Variants in KTN1 observed in about 807,000 individuals in gnomAD.
KTN1 encodes the protein kinectin 1.
KTN1 carries 130 observed loss-of-function variants against 222.5 expected under a neutral mutation model. That is an observed-to-expected ratio of 0.58 (90% CI 0.51 to 0.68). The LOEUF (loss-of-function observed/expected upper bound fraction) is 0.68, where lower values mean the gene tolerates loss of function less well. Ranked by LOEUF, KTN1 falls within the 30% of genes least tolerant of loss-of-function variation. The pLI is 0.00. For synonymous variants in KTN1, 512 were observed against 496.3 expected, an observed-to-expected ratio of 1.03 and a Z score of -0.42; for missense variants, 1,508 against 1,500.4, an observed-to-expected ratio of 1.01 and a Z score of -0.08.
intron 43 of KTN1, chr14:55,680,527 G>C: frequency 4.2e-6 from 2 of 481,502 alleles, no homozygotes; most frequent in South Asian, 3.1e-5. Flanking sequence ...ATGATATCCT[G>C]GAGACCCTGA....
rs9743909 is a variant in KTN1, at chr14:55,670,650, T to C, written c.3268-79T>C. ...TTCTTTTATAATTATCTAATTTGGT[T>C]ATTTTAAATGTTTCACCTGTTTTAT... On this transcript the variant is annotated intron_variant, in intron 34 of 43. Transcript: ENST00000395314. 3.6e-3 allele frequency: 3,419 copies of C among 945,460 alleles called. 81 individuals carry two copies. In the African/African-American group the frequency reaches 0.051, roughly 14 times the overall value. 58.6% of individuals were successfully genotyped at this position (945,460 alleles called of 1,614,324 possible). A position where few individuals can be genotyped will look rare whatever the true frequency, so the allele number is the denominator to read the frequency against.
At chr14:55,606,793 A>G (rs2036793208) in intron 1 of KTN1, among the ~76,000 whole-genome samples, 1 of 152,178 alleles carries the variant, frequency 6.6e-6, no homozygotes, top group Non-Finnish European at 1.5e-5. Context: ...ACAATTAACC[A>G]AACAGTAAAA....
At chr14:55,679,844 T>C in intron 43 of KTN1, 159 bp downstream of exon 43, 1 of 751,514 alleles carries the variant, frequency 1.3e-6, no homozygotes, top group Non-Finnish European at 2.2e-6. Context: ...GAGCTTTAGT[T>C]CTATTTTGTG....
At chr14:55,584,022 T>A (rs769828022) in intron 1 of KTN1, among the ~76,000 whole-genome samples, 2 of 152,234 alleles carry the variant, frequency 1.3e-5, no homozygotes, top group Admixed American at 6.5e-5. Context: ...CCTAGATTTC[T>A]GCAATTAGCC....
intron 32 of KTN1, chr14:55,661,855 T>C (rs1342248893): frequency 3.7e-6 from 1 of 273,556 alleles, no homozygotes; most frequent in Non-Finnish European, 6.7e-6. Context: ...ATAATTATTA[T>C]ACCTTTAGTT....
intron 1 of KTN1, among the ~76,000 whole-genome samples, chr14:55,611,336 A>C (rs1170839527): frequency 6.8e-6 from 1 of 147,972 alleles, no homozygotes. Context: ...TCCTAGGCTC[A>C]AGTGATCCGT....
intron 25 of KTN1, 80 bp from the exon 26 acceptor site, chr14:55,652,770 A>G (rs1394268558): frequency 3.3e-6 from 3 of 899,926 alleles, no homozygotes; most frequent in East Asian, 5.0e-5. Context: ...CCCAAAATAT[A>G]CTTTTTTCAG....
chr14:55,597,337 A>G (rs2035221645), intron 1 of KTN1, among the ~76,000 whole-genome samples: 2 of 152,234 alleles, frequency 1.3e-5, no homozygotes, highest in African/African-American at 4.8e-5. Context: ...AATGATAAAC[A>G]CATAAGATTG....
chr14:55,588,548 GAA>G (rs1191183527), intron 1 of KTN1, among the ~76,000 whole-genome samples: 1 of 152,200 alleles, frequency 6.6e-6, no homozygotes, highest in African/African-American at 2.4e-5. Context: ...TGGAAGGACA[GAA>G]TGCTCATGTG....
chr14:55,632,585 G>A (rs1204869187), intron 7 of KTN1, among the ~76,000 whole-genome samples: 4 of 132,304 alleles, frequency 3.0e-5, no homozygotes, highest in African/African-American at 1.1e-4. Context: ...TTTACACAAT[G>A]AAGAGAGTTA....
At chr14:55,627,785 GACAT>G (rs2040026114) in intron 5 of KTN1, 123 bp from the exon 6 acceptor site, 8 of 593,556 alleles carry the variant, frequency 1.3e-5, no homozygotes, top group Non-Finnish European at 2.5e-5. Context: ...CCCTGCAAAG[GACAT>G]GAACTCATTC....
intron 28 of KTN1, among the ~76,000 whole-genome samples, chr14:55,654,352 G>A (rs1398640625): frequency 6.6e-6 from 1 of 152,088 alleles, no homozygotes; most frequent in African/African-American, 2.4e-5. Flanking sequence ...TTCTAAAAGG[G>A]AGATTACTCT....
intron 31 of KTN1, among the ~76,000 whole-genome samples, chr14:55,660,823 C>A (rs377178460): frequency 6.6e-6 from 1 of 152,158 alleles, no homozygotes; most frequent in African/African-American, 2.4e-5. Flanking sequence ...AATGTAAAAA[C>A]AGCTCTTAGT....
At position 55,602,869 on chromosome 14, in the gene KTN1, C is replaced by T. The variant is rs893705334; in HGVS notation, c.-30-9150C>T. Among the ~76,000 whole-genome samples, 9 of 152,106 alleles carry T rather than the reference C, an allele frequency of 5.9e-5. No individual in the cohort carries two copies. In the South Asian group the frequency reaches 1.5e-3, roughly 25 times the overall value. On this transcript the variant is annotated intron_variant, in intron 1 of 43. Transcript: ENST00000395314. ...TGCTAGGATTACAGGCATGAGCCACCGTGCCTGGCCACCATCTTTTTTCCA... is the reference window on the plus strand; with the variant it reads ...TGCTAGGATTACAGGCATGAGCCACTGTGCCTGGCCACCATCTTTTTTCCA...
chr14:55,623,213 G>C (rs10483643), intron 5 of KTN1, among the ~76,000 whole-genome samples: 11,655 of 152,332 alleles, frequency 0.077, 498 homozygotes, highest in South Asian at 0.12. Context: ...TCTGTTGACA[G>C]TGCATTTTAT....
intron 31 of KTN1, among the ~76,000 whole-genome samples, chr14:55,660,584 T>C (rs1273602678): frequency 6.6e-6 from 1 of 152,118 alleles, no homozygotes; most frequent in Non-Finnish European, 1.5e-5. Context: ...TCTTTTAATC[T>C]AAATGTTTTT....
intron 21 of KTN1, among the ~76,000 whole-genome samples, chr14:55,649,565 T>G (rs1335592640): frequency 6.6e-6 from 1 of 152,244 alleles, no homozygotes; most frequent in Non-Finnish European, 1.5e-5. Context: ...TTTTTTCTTT[T>G]GGCATATTTA....
intron 5 of KTN1, among the ~76,000 whole-genome samples, chr14:55,627,047 C>T (rs2039930209): frequency 6.6e-6 from 1 of 152,176 alleles, no homozygotes; most frequent in African/African-American, 2.4e-5. Flanking sequence ...TATATTCTGA[C>T]AGGGTCGTGG....
At chr14:55,603,762 A>G (rs2036322145) in intron 1 of KTN1, among the ~76,000 whole-genome samples, 1 of 152,118 alleles carries the variant, frequency 6.6e-6, no homozygotes, top group Non-Finnish European at 1.5e-5. Flanking sequence ...GGACATCTCC[A>G]CTTACCTAAA....
Sources: allele counts gnomAD v4.1 joint callset (sites outside exome capture counted in the v4.1 genomes callset), GRCh38; gene constraint gnomAD v4.1.1; transcripts MANE v1.5; gene names NCBI Gene and HGNC (gene_info 2026-07-23, HGNC 2026-07-21).